TMEM132B: variants seen among roughly 807,000 people sequenced by gnomAD.
TMEM132B encodes the protein transmembrane protein 132B.
Under a neutral mutation model 90.8 loss-of-function variants are expected in TMEM132B, and 18 were observed. The observed-to-expected ratio is 0.20, with a 90% CI of 0.14 to 0.29. TMEM132B has a LOEUF of 0.29. Among genes scored for constraint, TMEM132B ranks in the 10% least tolerant of loss-of-function variants. TMEM132B has a pLI of 1.00. For missense variants in TMEM132B, 1,096 were observed against 1,326.8 expected (o/e 0.83, Z 2.70); for synonymous variants, 504 against 523.3 (o/e 0.96, Z 0.50).
chr12:125,307,770 T>C (rs1876018059), intron 1 of TMEM132B, among the ~76,000 whole-genome samples: 1 of 149,342 alleles, frequency 6.7e-6, no homozygotes, highest in African/African-American at 2.4e-5. Flanking sequence ...ATTGCAAGTA[T>C]ATATACTTAT....
At chr12:125,637,689 AC>A (rs1383223624) in intron 5 of TMEM132B, among the ~76,000 whole-genome samples, 1 of 152,176 alleles carries the variant, frequency 6.6e-6, no homozygotes, top group African/African-American at 2.4e-5. Flanking sequence ...GCCTGGGGTA[AC>A]CACTGACACA....
intron 4 of TMEM132B, among the ~76,000 whole-genome samples, chr12:125,574,000 C>T (rs956797304): frequency 6.6e-6 from 1 of 152,072 alleles, no homozygotes; most frequent in African/African-American, 2.4e-5. Context: ...ATACTGTGGA[C>T]CTGTACCAAG....
chr12:125,639,932 C>T (rs758465637), intron 5 of TMEM132B, among the ~76,000 whole-genome samples: 8 of 152,170 alleles, frequency 5.3e-5, no homozygotes, highest in South Asian at 2.1e-4. Context: ...CCTGATAAAA[C>T]GCCTCAAAGT....
chr12:125,200,915 T>A (rs189512248), intron 1 of TMEM132B, among the ~76,000 whole-genome samples: 1 of 152,322 alleles, frequency 6.6e-6, no homozygotes, highest in Non-Finnish European at 1.5e-5. Context: ...CATCTACTCA[T>A]GGCATTTCTC....
intron 2 of TMEM132B, among the ~76,000 whole-genome samples, chr12:125,394,748 C>G (rs1051901924): frequency 8.5e-5 from 13 of 152,136 alleles, no homozygotes; most frequent in Admixed American, 2.6e-4. Flanking sequence ...TGGGGATCAT[C>G]ATAATATGGA....
At chr12:125,553,067 A>G (rs545059011) in intron 4 of TMEM132B, among the ~76,000 whole-genome samples, 1 of 152,382 alleles carries the variant, frequency 6.6e-6, no homozygotes, top group African/African-American at 2.4e-5. Flanking sequence ...TTTTACTAGG[A>G]CAGTTGTACA....
At chr12:125,521,539 A>G (rs1027423340) in intron 4 of TMEM132B, among the ~76,000 whole-genome samples, 15 of 152,222 alleles carry the variant, frequency 9.9e-5, no homozygotes, top group Non-Finnish European at 1.5e-4. Flanking sequence ...GGAATGAAAC[A>G]GATGAGAAGC....
At chr12:125,533,415 C>T (rs1243480625) in intron 4 of TMEM132B, among the ~76,000 whole-genome samples, 1 of 152,236 alleles carries the variant, frequency 6.6e-6, no homozygotes, top group Non-Finnish European at 1.5e-5. Context: ...CTCTCCCCTT[C>T]CCAGGGCCCT....
chr12:125,419,993 G>T (rs576830553), intron 3 of TMEM132B, among the ~76,000 whole-genome samples: 1 of 152,206 alleles, frequency 6.6e-6, no homozygotes, highest in Non-Finnish European at 1.5e-5. Flanking sequence ...GATGCAAAAG[G>T]TAGGTTCCCA....
At chr12:125,620,173 A>T (rs1286821551) in intron 5 of TMEM132B, among the ~76,000 whole-genome samples, 2 of 152,258 alleles carry the variant, frequency 1.3e-5, no homozygotes, top group Admixed American at 1.3e-4. Context: ...CAAACACGGC[A>T]CATGTGCCAC....
intron 3 of TMEM132B, among the ~76,000 whole-genome samples, chr12:125,517,347 T>TGCA (rs1566060750): frequency 7.4e-4 from 59 of 80,118 alleles, no homozygotes; most frequent in East Asian, 1.3e-3. Context: ...TTTTTTTTTT[T>TGCA]TTTTTTTTTT....
chr12:125,396,762 C>T (rs1343385980), intron 2 of TMEM132B, among the ~76,000 whole-genome samples: 1 of 152,142 alleles, frequency 6.6e-6, no homozygotes, highest in East Asian at 1.9e-4. Flanking sequence ...CTGCCTTGCC[C>T]TCCCAAAGTG....
At chr12:125,330,111 G>T (rs755030666) in intron 1 of TMEM132B, among the ~76,000 whole-genome samples, 9 of 152,208 alleles carry the variant, frequency 5.9e-5, no homozygotes, top group Non-Finnish European at 1.0e-4. Context: ...CGGGATGCGT[G>T]TGGTGTGGGT....
intron 1 of TMEM132B, among the ~76,000 whole-genome samples, chr12:125,325,023 G>A (rs147780242): frequency 6.6e-6 from 1 of 152,218 alleles, no homozygotes; most frequent in African/African-American, 2.4e-5. Context: ...ACGCAAAACA[G>A]AGAGCTCTTC....
intron 1 of TMEM132B, among the ~76,000 whole-genome samples, chr12:125,303,902 T>A (rs979047637): frequency 5.3e-5 from 8 of 152,228 alleles, no homozygotes; most frequent in African/African-American, 1.9e-4. Context: ...CATAGGAATT[T>A]GAAGATATTT....
At chr12:125,244,728 A>G (rs1593053917) in intron 1 of TMEM132B, among the ~76,000 whole-genome samples, 1 of 152,052 alleles carries the variant, frequency 6.6e-6, no homozygotes, top group African/African-American at 2.4e-5. Flanking sequence ...CTTGAACAAA[A>G]CCTTCAAAGC....
intron 4 of TMEM132B, among the ~76,000 whole-genome samples, chr12:125,525,851 G>A (rs1327027192): frequency 6.6e-6 from 1 of 152,204 alleles, no homozygotes; most frequent in East Asian, 1.9e-4. Flanking sequence ...CAGTCCCAGG[G>A]TGGCATCTGG....
chr12:125,189,758 G>C (rs1448383380), intron 1 of TMEM132B, among the ~76,000 whole-genome samples: 1 of 152,132 alleles, frequency 6.6e-6, no homozygotes, highest in African/African-American at 2.4e-5. Flanking sequence ...CACGGTGGTT[G>C]CCTTGATCCA....
At chr12:125,360,551 G>A (rs1332138567) in intron 2 of TMEM132B, among the ~76,000 whole-genome samples, 1 of 152,230 alleles carries the variant, frequency 6.6e-6, no homozygotes, top group Non-Finnish European at 1.5e-5. Flanking sequence ...AAGGTGGTCT[G>A]TGTGCTCAGG....
Sources: allele counts gnomAD v4.1 joint callset (sites outside exome capture counted in the v4.1 genomes callset), GRCh38; gene constraint gnomAD v4.1.1; transcripts MANE v1.5; gene names NCBI Gene and HGNC (gene_info 2026-07-23, HGNC 2026-07-21).